WDR7: variants seen among roughly 807,000 people sequenced by gnomAD.
WDR7 encodes WD repeat domain 7, also known as WD repeat-containing protein 7.
WDR7 carries 46 observed loss-of-function variants against 169.4 expected under a neutral mutation model. The observed-to-expected ratio is 0.27, with a 90% CI of 0.21 to 0.35. The LOEUF (loss-of-function observed/expected upper bound fraction) is 0.35. WDR7 is among the 10% of genes least tolerant of loss of function. WDR7 has a pLI of 1.00. For synonymous variants in WDR7, 612 were observed against 666.8 expected, an observed-to-expected ratio of 0.92 and a Z score of 1.27; for missense variants, 1,534 against 1,859.3, an observed-to-expected ratio of 0.83 and a Z score of 3.22.
intron 22 of WDR7, among the ~76,000 whole-genome samples, chr18:56,924,700 T>C (rs1413061502): frequency 6.6e-6 from 1 of 152,184 alleles, no homozygotes; most frequent in East Asian, 1.9e-4. Flanking sequence ...GGGGGTCCTA[T>C]TGGTGGTGGA....
At chr18:56,728,090 A>T (rs2144789801) in intron 13 of WDR7, among the ~76,000 whole-genome samples, 2 of 152,306 alleles carry the variant, frequency 1.3e-5, no homozygotes, top group Admixed American at 1.3e-4. Context: ...TATTTTCAGA[A>T]TATGTATCTT....
At chr18:56,926,063 C>T (rs1240978681) in intron 22 of WDR7, among the ~76,000 whole-genome samples, 2 of 152,138 alleles carry the variant, frequency 1.3e-5, no homozygotes, top group African/African-American at 2.4e-5. Flanking sequence ...ATTGTTAGGT[C>T]CTTGTATTCA....
At chr18:56,788,314 A>G (rs1407592320) in intron 19 of WDR7, among the ~76,000 whole-genome samples, 2 of 152,152 alleles carry the variant, frequency 1.3e-5, no homozygotes, top group Non-Finnish European at 2.9e-5. Flanking sequence ...TACATTTTAT[A>G]TAGTAGTTTT....
intron 20 of WDR7, among the ~76,000 whole-genome samples, chr18:56,843,614 G>T (rs1170099387): frequency 1.3e-5 from 2 of 152,100 alleles, no homozygotes; most frequent in African/African-American, 4.8e-5. Flanking sequence ...ATCTTTTGGC[G>T]ACTGTGAATA....
chr18:56,835,601 G>A (rs1241772402), intron 20 of WDR7, among the ~76,000 whole-genome samples: 2 of 152,174 alleles, frequency 1.3e-5, no homozygotes, highest in Non-Finnish European at 2.9e-5. Context: ...AAGGAGATTA[G>A]GAAGTTATAC....
At chr18:56,737,654 A>C (rs940848535) in intron 14 of WDR7, among the ~76,000 whole-genome samples, 2 of 152,240 alleles carry the variant, frequency 1.3e-5, no homozygotes, top group Non-Finnish European at 2.9e-5. Context: ...AATGGAATTT[A>C]GAAGTCAAAT....
At chr18:57,020,998 A>G (rs1658446788) in intron 27 of WDR7, 149 bp downstream of exon 27, 1 of 671,500 alleles carries the variant, frequency 1.5e-6, no homozygotes, top group Non-Finnish European at 2.6e-6. Flanking sequence ...ATTGCTGATG[A>G]TGTGCCAGGC....
intron 7 of WDR7, among the ~76,000 whole-genome samples, chr18:56,688,305 C>T (rs1307225558): frequency 2.0e-5 from 3 of 152,242 alleles, no homozygotes; most frequent in Non-Finnish European, 2.9e-5. Context: ...AGCACCTTAA[C>T]CTTATCGTTG....
chr18:56,874,781 A>C (rs1429174709), intron 20 of WDR7, among the ~76,000 whole-genome samples: 1 of 152,102 alleles, frequency 6.6e-6, no homozygotes, highest in East Asian at 1.9e-4. Context: ...AAAAAGAAAA[A>C]GAATAAAGTG....
intron 20 of WDR7, among the ~76,000 whole-genome samples, chr18:56,857,480 C>A (rs931562475): frequency 4.6e-5 from 7 of 152,120 alleles, no homozygotes; most frequent in Non-Finnish European, 7.4e-5. Context: ...CGGTCACGAA[C>A]TCCTGAGCTC....
Position 56,686,847 on chromosome 18 carries a change from C to CTT in WDR7, c.598-5_598-4dup, listed in dbSNP as rs2025454173. 1.9e-6 allele frequency: 3 copies of CTT among 1,585,000 alleles called. No individual in the cohort carries two copies. In the East Asian group the frequency reaches 6.7e-5, roughly 36 times the overall value. On this transcript the variant is annotated splice_polypyrimidine_tract_variant and splice_region_variant and intron_variant, in intron 6 of 27. Coordinates refer to ENST00000254442, the MANE Select transcript of WDR7 (RefSeq NM_015285.3). Reference sequence around the variant, plus strand: ...TATTCCTAAATTTTTACAAATCTTTCTTTTCAGGATACTGAGCCAATATTT... The same window carrying CTT: ...TATTCCTAAATTTTTACAAATCTTTCTTTTTTCAGGATACTGAGCCAATATTT...
At position 56,820,648 on chromosome 18, in the gene WDR7, C is replaced by T. The variant is rs188865336; in HGVS notation, c.3304+4504C>T. Among the ~76,000 whole-genome samples, 8 of 152,146 alleles carry T rather than the reference C, an allele frequency of 5.3e-5. No individual in the cohort carries two copies. In the East Asian group the frequency reaches 9.7e-4, roughly 18 times the overall value. Reference sequence around the variant, plus strand: ...TCCCTCCTCCCCCTGCCCTCAGTTACGTTGTACAGACATATATTTTAAATC... The same window carrying T: ...TCCCTCCTCCCCCTGCCCTCAGTTATGTTGTACAGACATATATTTTAAATC... On this transcript the variant is annotated intron_variant, in intron 20 of 27. Transcript: ENST00000254442.
chr18:57,022,252 T>C (rs1338277726), intron 27 of WDR7, among the ~76,000 whole-genome samples: 1 of 152,238 alleles, frequency 6.6e-6, no homozygotes, highest in Non-Finnish European at 1.5e-5. Flanking sequence ...CCGCCACTCG[T>C]GTCTAACTCA....
At chr18:56,931,134 T>G (rs1410243704) in intron 22 of WDR7, among the ~76,000 whole-genome samples, 1 of 152,178 alleles carries the variant, frequency 6.6e-6, no homozygotes, top group Non-Finnish European at 1.5e-5. Flanking sequence ...TCTTTTTTTT[T>G]TAGAATAAAG....
chr18:56,813,797 A>G (rs1028800934), intron 19 of WDR7, among the ~76,000 whole-genome samples: 8 of 152,112 alleles, frequency 5.3e-5, no homozygotes, highest in Non-Finnish European at 8.8e-5. Flanking sequence ...GAAAGCATCA[A>G]TCAAAGAACC....
At chr18:57,004,251 C>G (rs1045833358) in intron 26 of WDR7, among the ~76,000 whole-genome samples, 3 of 152,050 alleles carry the variant, frequency 2.0e-5, no homozygotes, top group East Asian at 1.9e-4. Flanking sequence ...CTCTGACATC[C>G]CACACATACC....
At chr18:56,738,305 C>T (rs2026744823) in intron 14 of WDR7, among the ~76,000 whole-genome samples, 1 of 152,142 alleles carries the variant, frequency 6.6e-6, no homozygotes, top group Non-Finnish European at 1.5e-5. Context: ...CACGGTGGCT[C>T]ATGCCTGTAA....
intron 14 of WDR7, among the ~76,000 whole-genome samples, chr18:56,746,211 G>A (rs1271953665): frequency 1.3e-5 from 2 of 152,124 alleles, no homozygotes; most frequent in South Asian, 2.1e-4. Context: ...AGTACAACAG[G>A]TAAAATATCC....
chr18:56,908,894 A>G (rs982073618), intron 21 of WDR7, among the ~76,000 whole-genome samples: 2 of 152,206 alleles, frequency 1.3e-5, no homozygotes, highest in Admixed American at 6.5e-5. Context: ...TCGGAGTCCA[A>G]TAAGTTTTCC....
Sources: allele counts gnomAD v4.1 joint callset (sites outside exome capture counted in the v4.1 genomes callset), GRCh38; gene constraint gnomAD v4.1.1; transcripts MANE v1.5; gene names NCBI Gene and HGNC (gene_info 2026-07-23, HGNC 2026-07-21).